The following DGKB variants were observed in gnomAD, a reference collection of about 807,000 sequenced individuals.
The protein encoded by DGKB is diacylglycerol kinase beta, also known as 90 kDa diacylglycerol kinase.
A neutral mutation model predicts 114.3 loss-of-function variants in DGKB; 67 were observed. That is an observed-to-expected ratio of 0.59 (90% CI 0.48 to 0.72). DGKB has a LOEUF of 0.72. Among genes scored for constraint, DGKB ranks in the 30% least tolerant of loss-of-function variants. The pLI is 0.00. For missense variants in DGKB, 907 were observed against 975.2 expected, an observed-to-expected ratio of 0.93 and a Z score of 0.93; for synonymous variants, 398 against 323.1, an observed-to-expected ratio of 1.23 and a Z score of -2.49.
chr7:14,433,407 T>A (rs1166859708), intron 21 of DGKB, among the ~76,000 whole-genome samples: 1 of 152,070 alleles, frequency 6.6e-6, no homozygotes, highest in East Asian at 1.9e-4. Context: ...GCTTTGGGGG[T>A]CAGAGAGATC....
intron 21 of DGKB, among the ~76,000 whole-genome samples, chr7:14,347,239 A>G (rs558568564): frequency 6.6e-6 from 1 of 152,106 alleles, no homozygotes; most frequent in African/African-American, 2.4e-5. Context: ...AACCACAATT[A>G]GATATCACCT....
At chr7:14,304,091 T>TCTCACA (rs1554339391) in intron 23 of DGKB, among the ~76,000 whole-genome samples, 1 of 57,658 alleles carries the variant, frequency 1.7e-5, no homozygotes, top group African/African-American at 4.6e-5. Flanking sequence ...ACACACACTC[T>TCTCACA]CTCTCTCTCA....
intron 23 of DGKB, among the ~76,000 whole-genome samples, chr7:14,319,531 A>G (rs1184016701): frequency 6.6e-6 from 1 of 152,202 alleles, no homozygotes; most frequent in African/African-American, 2.4e-5. Context: ...TTTATATGGT[A>G]ACAATAGATG....
At chr7:14,829,237 G>A (rs917116119) in intron 2 of DGKB, among the ~76,000 whole-genome samples, 1 of 151,982 alleles carries the variant, frequency 6.6e-6, no homozygotes, top group Non-Finnish European at 1.5e-5. Flanking sequence ...CTACTTTTTG[G>A]TATTGACCCA....
chr7:14,417,499 TTTTC>T (rs1239119243), intron 21 of DGKB, among the ~76,000 whole-genome samples: 3 of 152,118 alleles, frequency 2.0e-5, no homozygotes, highest in Non-Finnish European at 4.4e-5. Flanking sequence ...TTATGAATAA[TTTTC>T]TTTTTTATCT....
chr7:14,929,777 T>C (rs1784913234), intron 1 of DGKB, among the ~76,000 whole-genome samples: 1 of 152,166 alleles, frequency 6.6e-6, no homozygotes, highest in South Asian at 2.1e-4. Flanking sequence ...TTTGAGGTCT[T>C]AGTTATGAAT....
In DGKB at chr7:14,234,649, AC is replaced by A. The variant is rs531212142; in HGVS notation, c.2123-56499del. 1.4e-4 allele frequency among the ~76,000 whole-genome samples: 22 copies of A among 152,198 alleles called. No individual in the cohort carries two copies. The South Asian group carries it at 2.9e-3, about 20-fold the overall frequency. On this transcript the variant is annotated intron_variant, in intron 23 of 25. Coordinates refer to ENST00000402815, the MANE Select transcript of DGKB (RefSeq NM_001350709.2). Reference sequence around the variant, plus strand: ...AAAAATCATTCCAAAATATTTTATCACCCTATCCAGTTTTTACTAACCTTTA... The same window carrying A: ...AAAAATCATTCCAAAATATTTTATCACCTATCCAGTTTTTACTAACCTTTA...
chr7:14,646,068 G>C (rs1338224608), intron 13 of DGKB, among the ~76,000 whole-genome samples: 1 of 152,296 alleles, frequency 6.6e-6, no homozygotes, highest in African/African-American at 2.4e-5. Context: ...AAAAGATAGA[G>C]ATTTGGCTGA....
chr7:14,485,462 C>T (rs190012498), intron 20 of DGKB, among the ~76,000 whole-genome samples: 3 of 151,870 alleles, frequency 2.0e-5, no homozygotes, highest in African/African-American at 4.8e-5. Flanking sequence ...ACAACCAGGG[C>T]ATTTTTCTAG....
intron 21 of DGKB, among the ~76,000 whole-genome samples, chr7:14,414,748 G>C (rs1404605764): frequency 6.6e-6 from 1 of 152,072 alleles, no homozygotes; most frequent in Non-Finnish European, 1.5e-5. Flanking sequence ...GCTCCACACA[G>C]TCCTTGACTT....
At chr7:14,539,582 CAAGGGTTTTTAA>C (rs1409713589) in intron 20 of DGKB, among the ~76,000 whole-genome samples, 1 of 151,988 alleles carries the variant, frequency 6.6e-6, no homozygotes, top group African/African-American at 2.4e-5. Flanking sequence ...GAAAGTTAAG[CAAGGGTTTTTAA>C]AAATCTCATT....
intron 23 of DGKB, among the ~76,000 whole-genome samples, chr7:14,224,748 T>C (rs570445352): frequency 3.3e-5 from 5 of 152,120 alleles, no homozygotes; most frequent in Admixed American, 3.3e-4. Context: ...CTAATAATGC[T>C]CCTAAGGGAA....
At chr7:14,347,161 C>A (rs1336407610) in intron 21 of DGKB, among the ~76,000 whole-genome samples, 1 of 151,840 alleles carries the variant, frequency 6.6e-6, no homozygotes, top group Non-Finnish European at 1.5e-5. Flanking sequence ...ACATGTGAGG[C>A]CCACTGGGAT....
chr7:14,339,453 G>C (rs1231794552), intron 22 of DGKB, among the ~76,000 whole-genome samples: 1 of 151,798 alleles, frequency 6.6e-6, no homozygotes, highest in Non-Finnish European at 1.5e-5. Context: ...AAAAACCAAG[G>C]TTAATCAGCC....
intron 1 of DGKB, among the ~76,000 whole-genome samples, chr7:14,859,848 A>G (rs1850717563): frequency 6.6e-6 from 1 of 152,056 alleles, no homozygotes. Context: ...CAATGATCCC[A>G]TCTATGTTAT....
At chr7:14,698,785 C>T (rs1251316440) in intron 7 of DGKB, among the ~76,000 whole-genome samples, 1 of 152,058 alleles carries the variant, frequency 6.6e-6, no homozygotes, top group Non-Finnish European at 1.5e-5. Context: ...TACAGATGAC[C>T]TGGCTAAATT....
intron 20 of DGKB, among the ~76,000 whole-genome samples, chr7:14,510,538 C>T (rs1466189396): frequency 6.6e-6 from 1 of 152,112 alleles, no homozygotes; most frequent in Non-Finnish European, 1.5e-5. Flanking sequence ...CAGTTACTTC[C>T]TCCACTGAAG....
At position 14,232,873 on chromosome 7, in the gene DGKB, T is replaced by C. The variant is rs543666909; in HGVS notation, c.2123-54722A>G. Among the ~76,000 whole-genome samples the C allele has an allele frequency of 9.1e-4, 138 of 152,132 alleles. 1 individual carries two copies. Among genetic ancestry groups the C allele is most frequent in the Non-Finnish European group, 1.7e-3 (115 of 67,964 alleles). On this transcript the variant is annotated intron_variant, in intron 23 of 25. Transcript: ENST00000402815. Reference sequence around the variant, plus strand: ...TGAATCTGTCTGTTTTAGTGACAAATTCTAGGCTCTATTCTACAAGCAAAA... The same window carrying C: ...TGAATCTGTCTGTTTTAGTGACAAACTCTAGGCTCTATTCTACAAGCAAAA...
rs1220480026 is a variant in DGKB at position 14,537,666 on chromosome 7, A to C, written c.1770+36546T>G. The stretch of plus-strand genomic sequence containing the variant: ...TAAAGACTTAAATGCACAATTTGAA[A>C]CAACAACAACAAAACAAAACTTTCA... On this transcript the variant is annotated intron_variant, in intron 20 of 25. Coordinates refer to ENST00000402815, the MANE Select transcript of DGKB (RefSeq NM_001350709.2). Among the ~76,000 whole-genome samples, 3 of 152,220 alleles carry C rather than the reference A, an allele frequency of 2.0e-5. No individual in the cohort carries two copies. The East Asian group carries it at 5.8e-4, about 29-fold the overall frequency.
Sources: gnomAD v4.1 joint callset for allele counts (sites outside exome capture counted in the v4.1 genomes callset) on GRCh38, gnomAD v4.1.1 for gene constraint, MANE v1.5 for transcripts, NCBI Gene and HGNC (gene_info 2026-07-23, HGNC 2026-07-21) for gene names.